The following ZMAT4 variants were observed in gnomAD, a reference collection of about 807,000 sequenced individuals.
ZMAT4 encodes zinc finger matrin-type 4.
In ZMAT4, 17 loss-of-function variants were observed where a neutral mutation model predicts 28.7. The observed-to-expected ratio is 0.59, with a 90% CI of 0.41 to 0.89. The LOEUF (loss-of-function observed/expected upper bound fraction) is 0.89, where lower values mean the gene tolerates loss of function less well. Among genes scored for constraint, ZMAT4 ranks in the 40% least tolerant of loss-of-function variants. The probability of loss-of-function intolerance (pLI) is 0.00; values close to 1 mark genes in which losing one functional copy is unlikely to be tolerated. For synonymous variants in ZMAT4, 117 were observed against 109.2 expected (o/e 1.07, Z -0.44); for missense variants, 240 against 283.8 (o/e 0.85, Z 1.11).
At chr8:40,578,218 G>A (rs776528882) in intron 6 of ZMAT4, among the ~76,000 whole-genome samples, 11 of 151,844 alleles carry the variant, frequency 7.2e-5, no homozygotes, top group African/African-American at 2.2e-4. Flanking sequence ...AGACACACAC[G>A]TACACATGTA....
intron 1 of ZMAT4, among the ~76,000 whole-genome samples, chr8:40,868,731 T>C (rs1478144955): frequency 6.6e-6 from 1 of 152,220 alleles, no homozygotes; most frequent in Non-Finnish European, 1.5e-5. Context: ...TGATCTCTAA[T>C]GCTGCATTCT....
chr8:40,592,461 G>A (rs1434971774), intron 5 of ZMAT4, among the ~76,000 whole-genome samples: 1 of 152,030 alleles, frequency 6.6e-6, no homozygotes, highest in Non-Finnish European at 1.5e-5. Context: ...TGGACTGCAG[G>A]GTACCAAACA....
intron 6 of ZMAT4, among the ~76,000 whole-genome samples, chr8:40,573,429 C>T (rs1330439050): frequency 6.6e-6 from 1 of 152,128 alleles, no homozygotes; most frequent in African/African-American, 2.4e-5. Context: ...CAATTTCTGC[C>T]TTCATCTGCA....
chr8:40,801,357 T>A lies in ZMAT4; in HGVS notation c.102+24218A>T, dbSNP rs1294773176. On this transcript the variant is annotated intron_variant, in intron 2 of 6. Coordinates refer to ENST00000297737, the MANE Select transcript of ZMAT4 (RefSeq NM_024645.3). ...TACTTTCTTTAAAAAAAAAAATATA[T>A]ATATATATATATATACATATATATA... 1.4e-3 allele frequency among the ~76,000 whole-genome samples: 76 copies of A among 54,762 alleles called. No individual in the cohort carries two copies. The East Asian group carries it at 0.021, about 15-fold the overall frequency. The allele number at this position is 54,762 out of a possible 152,430, so 35.9% of individuals were successfully genotyped here.
chr8:40,889,827 T>C (rs1261953152), intron 1 of ZMAT4, among the ~76,000 whole-genome samples: 1 of 152,230 alleles, frequency 6.6e-6, no homozygotes, highest in Non-Finnish European at 1.5e-5. Context: ...ATTAGAACTA[T>C]TTTGCACATC....
chr8:40,531,185 G>C lies in ZMAT4; in HGVS notation c.*1038C>G, dbSNP rs1162026030. On this transcript the variant is annotated 3_prime_UTR_variant, in exon 7 of 7. Transcript: ENST00000297737. ...AGAGCCTCATGATCTGCACTCAGAC[G>C]CTCCCCATCAGAAAGGAACTGTTTT... 6.6e-6 allele frequency: 1 copy of C among 152,160 alleles called. No homozygotes were observed. The highest frequency in any genetic ancestry group is 2.4e-5 in the African/African-American group (1 of 41,426). 9.4% of individuals were successfully genotyped at this position (152,160 alleles called of 1,614,324 possible).
intron 6 of ZMAT4, among the ~76,000 whole-genome samples, chr8:40,545,248 G>C (rs1360035172): frequency 1.3e-5 from 2 of 152,094 alleles, no homozygotes; most frequent in South Asian, 4.1e-4. Flanking sequence ...TGAAGCCTCA[G>C]GAGAAGCTCA....
At chr8:40,769,315 T>G (rs557185803) in intron 2 of ZMAT4, among the ~76,000 whole-genome samples, 11 of 152,142 alleles carry the variant, frequency 7.2e-5, no homozygotes, top group Non-Finnish European at 1.6e-4. Context: ...GAAACAGACA[T>G]GTAGATGTAT....
chr8:40,785,823 C>T (rs942599296), intron 2 of ZMAT4, among the ~76,000 whole-genome samples: 1 of 152,188 alleles, frequency 6.6e-6, no homozygotes, highest in Non-Finnish European at 1.5e-5. Flanking sequence ...AACCCTTTCC[C>T]TCCCACCATC....
chr8:40,802,620 C>T (rs1814900470), intron 2 of ZMAT4, among the ~76,000 whole-genome samples: 1 of 152,082 alleles, frequency 6.6e-6, no homozygotes, highest in African/African-American at 2.4e-5. Context: ...TCAAGATTGT[C>T]AAGGCATCAG....
In ZMAT4 at chr8:40,615,475, C is replaced by T. The variant is rs576843885; in HGVS notation, c.578-34214G>A. ...TTCCTGAATTTGAATGTTGGCCTGACTTGCTATGTTAGGGAAGTTCTCCTG... is the reference window on the plus strand; with the variant it reads ...TTCCTGAATTTGAATGTTGGCCTGATTTGCTATGTTAGGGAAGTTCTCCTG... On this transcript the variant is annotated intron_variant, in intron 5 of 6. Coordinates refer to ENST00000297737, the MANE Select transcript of ZMAT4 (RefSeq NM_024645.3). 3.9e-5 allele frequency among the ~76,000 whole-genome samples: 6 copies of T among 152,296 alleles called. No homozygotes were observed. The East Asian group carries it at 1.2e-3, about 29-fold the overall frequency.
intron 5 of ZMAT4, among the ~76,000 whole-genome samples, chr8:40,600,879 C>A (rs16889663): frequency 1.3e-4 from 20 of 152,148 alleles, no homozygotes; most frequent in Non-Finnish European, 2.6e-4. Flanking sequence ...TAGGAACCCA[C>A]TGGGCAGAAA....
chr8:40,679,002 C>A (rs1445732312), intron 4 of ZMAT4, among the ~76,000 whole-genome samples: 1 of 152,140 alleles, frequency 6.6e-6, no homozygotes, highest in Admixed American at 6.5e-5. Flanking sequence ...TTGCAAAATA[C>A]AATCAGCCCC....
At chr8:40,695,145 G>T (rs1351652932) in intron 4 of ZMAT4, among the ~76,000 whole-genome samples, 1 of 152,208 alleles carries the variant, frequency 6.6e-6, no homozygotes, top group African/African-American at 2.4e-5. Flanking sequence ...CTGCATTTGG[G>T]TCTTCATTCT....
intron 1 of ZMAT4, among the ~76,000 whole-genome samples, chr8:40,875,631 T>C (rs1013825979): frequency 5.3e-5 from 8 of 151,880 alleles, no homozygotes; most frequent in African/African-American, 1.9e-4. Flanking sequence ...GTGGTGGGTG[T>C]GTGAACTGAC....
At chr8:40,565,889 A>G (rs1378979200) in intron 6 of ZMAT4, among the ~76,000 whole-genome samples, 1 of 150,354 alleles carries the variant, frequency 6.7e-6, no homozygotes, top group African/African-American at 2.5e-5. Flanking sequence ...TGCTAATAGG[A>G]CTCCAGGACC....
chr8:40,864,015 T>A (rs536407806), intron 1 of ZMAT4, among the ~76,000 whole-genome samples: 1 of 152,226 alleles, frequency 6.6e-6, no homozygotes, highest in Admixed American at 6.5e-5. Flanking sequence ...GTGTCCAACA[T>A]AGGGAAGGTA....
intron 3 of ZMAT4, among the ~76,000 whole-genome samples, chr8:40,738,924 C>A (rs866641889): frequency 6.6e-6 from 1 of 152,110 alleles, no homozygotes; most frequent in South Asian, 2.1e-4. Flanking sequence ...CTTCATTAAT[C>A]GTGAAATTTA....
At chr8:40,706,606 C>A (rs1810363845) in intron 3 of ZMAT4, among the ~76,000 whole-genome samples, 1 of 152,186 alleles carries the variant, frequency 6.6e-6, no homozygotes, top group Admixed American at 6.5e-5. Flanking sequence ...CACTTTACTA[C>A]CCCAAAATAA....
Sources: allele counts gnomAD v4.1 joint callset (sites outside exome capture counted in the v4.1 genomes callset), GRCh38; gene constraint gnomAD v4.1.1; transcripts MANE v1.5; gene names NCBI Gene and HGNC (gene_info 2026-07-23, HGNC 2026-07-21).